The following SP100 variants were observed in gnomAD, a reference collection of about 807,000 sequenced individuals.
SP100 encodes the protein nuclear autoantigen Sp-100.
A neutral mutation model predicts 130.0 loss-of-function variants in SP100; 84 were observed. The ratio of observed to expected loss-of-function variants is 0.65; its 90% CI spans 0.54 to 0.77. The LOEUF (loss-of-function observed/expected upper bound fraction) is 0.77. Ranked by LOEUF, SP100 falls within the 30% of genes least tolerant of loss-of-function variation. SP100 has a pLI of 0.00. For missense variants in SP100, 978 were observed against 1,052.2 expected (o/e 0.93, Z 0.97); for synonymous variants, 331 against 351.7 (o/e 0.94, Z 0.66).
At chr2:230,436,948 A>ATGTGTATACACACACATATATATG (rs2063306161) in intron 2 of SP100, among the ~76,000 whole-genome samples, 7 of 139,528 alleles carry the variant, frequency 5.0e-5, no homozygotes, top group African/African-American at 1.9e-4. Context: ...ACACGCATAT[A>ATGTGTATACACACACATATATATG]TGTGTATACA....
intron 11 of SP100, among the ~76,000 whole-genome samples, chr2:230,464,937 C>T (rs2064861362): frequency 6.6e-6 from 1 of 152,014 alleles, no homozygotes; most frequent in South Asian, 2.1e-4. Context: ...ACCAAAAATA[C>T]AAAAATTAGC....
chr2:230,519,694 C>T lies in SP100; in HGVS notation c.2094+8528C>T, dbSNP rs938682374. Among the ~76,000 whole-genome samples the T allele has an allele frequency of 2.6e-5, 4 of 152,282 alleles. No individual in the cohort carries two copies. The South Asian group carries it at 8.3e-4, about 32-fold the overall frequency. On this transcript the variant is annotated intron_variant, in intron 24 of 28. Transcript: ENST00000340126. ...TGGGATGGCCTTTTGCTCATCTCTT[C>T]AATGAAGGCCATTTTTTTTCCCCAG...
At chr2:230,442,081 G>A (rs970881619) in intron 2 of SP100, among the ~76,000 whole-genome samples, 1 of 151,948 alleles carries the variant, frequency 6.6e-6, no homozygotes, top group Non-Finnish European at 1.5e-5. Flanking sequence ...TAACATTATT[G>A]TTTCCTGCCT....
At chr2:230,477,009 G>T (rs1472357959) in intron 17 of SP100, among the ~76,000 whole-genome samples, 2 of 151,952 alleles carry the variant, frequency 1.3e-5, no homozygotes, top group Admixed American at 1.3e-4. Flanking sequence ...AGGATTACAG[G>T]TACCTGCCAC....
intron 7 of SP100, among the ~76,000 whole-genome samples, chr2:230,449,945 CAG>C (rs1254447872): frequency 2.0e-5 from 3 of 152,162 alleles, no homozygotes; most frequent in African/African-American, 7.2e-5. Flanking sequence ...GGAAGAGTTG[CAG>C]AGTCTCACCA....
intron 17 of SP100, among the ~76,000 whole-genome samples, chr2:230,485,890 C>A (rs904479359): frequency 6.6e-6 from 1 of 152,104 alleles, no homozygotes; most frequent in African/African-American, 2.4e-5. Flanking sequence ...TTTTAAAAGT[C>A]AACACTCTGC....
intron 8 of SP100, among the ~76,000 whole-genome samples, chr2:230,460,637 G>T (rs2064549074): frequency 6.0e-4 from 4 of 6,624 alleles, no homozygotes; most frequent in South Asian, 4.6e-3. Context: ...TTTTTTTTGA[G>T]ACGGAGTCTC....
chr2:230,541,396 G>T, intron 27 of SP100, 24 bp downstream of exon 27: 9 of 1,580,704 alleles, frequency 5.7e-6, no homozygotes, highest in Non-Finnish European at 7.8e-6. Flanking sequence ...AAACAAAAAT[G>T]CTTATACTGG....
At chr2:230,437,093 A>G (rs2063317665) in intron 2 of SP100, among the ~76,000 whole-genome samples, 1 of 151,954 alleles carries the variant, frequency 6.6e-6, no homozygotes, top group South Asian at 2.1e-4. Flanking sequence ...AATGTTTACT[A>G]CAACATTTGC....
chr2:230,537,654 T>G (rs1253673897), intron 24 of SP100: 1 of 152,218 alleles, frequency 6.6e-6, no homozygotes, highest in Non-Finnish European at 1.5e-5. Context: ...CACTTTGTAA[T>G]GTGGGTTTTC....
At chr2:230,535,997 G>T (rs534643026) in intron 24 of SP100, among the ~76,000 whole-genome samples, 1 of 149,406 alleles carries the variant, frequency 6.7e-6, no homozygotes, top group Non-Finnish European at 1.5e-5. Flanking sequence ...CCAGGGCTTT[G>T]ACTGAAATGG....
At chr2:230,449,817 G>C (rs1394081091) in intron 7 of SP100, 107 bp downstream of exon 7, 5 of 1,192,738 alleles carry the variant, frequency 4.2e-6, no homozygotes, top group Non-Finnish European at 6.0e-6. Context: ...TTAACAAGCA[G>C]GGGAAAATCA....
chr2:230,441,748 T>C (rs73095039), intron 2 of SP100, among the ~76,000 whole-genome samples: 16,486 of 152,146 alleles, frequency 0.11, 942 homozygotes, highest in Middle Eastern at 0.22. Context: ...AGGATGTGGG[T>C]TGACGGGCAG....
chr2:230,480,311 CCAAATATA>C (rs2065771600), intron 17 of SP100, among the ~76,000 whole-genome samples: 1 of 152,002 alleles, frequency 6.6e-6, no homozygotes, highest in Admixed American at 6.6e-5. Flanking sequence ...AAAATCTAAT[CCAAATATA>C]TGATTGTACA....
At chr2:230,486,951 T>C (rs1286614241) in intron 17 of SP100, among the ~76,000 whole-genome samples, 1 of 152,264 alleles carries the variant, frequency 6.6e-6, no homozygotes, top group African/African-American at 2.4e-5. Context: ...TGTTTTCATG[T>C]TCATTGGCCA....
rs193056071 is a variant in SP100 at position 230,543,959 on chromosome 2, A to G, written c.*1013A>G. 7.2e-5 allele frequency: 11 copies of G among 152,316 alleles called. No homozygotes were observed. The highest frequency in any genetic ancestry group is 2.2e-4 in the African/African-American group (9 of 41,570). 9.4% of individuals were successfully genotyped at this position (152,316 alleles called of 1,614,324 possible). A position where few individuals can be genotyped will look rare whatever the true frequency, so the allele number is the denominator to read the frequency against. On this transcript the variant is annotated 3_prime_UTR_variant, in exon 29 of 29. Coordinates refer to ENST00000340126, the MANE Select transcript of SP100 (RefSeq NM_001080391.2). ...CAGCATGGTACTGGTACCAAAAAAAAAGCCACATAGACCAATGGAACAGAA... is the reference window on the plus strand; with the variant it reads ...CAGCATGGTACTGGTACCAAAAAAAGAGCCACATAGACCAATGGAACAGAA...
At chr2:230,515,497 A>T in intron 24 of SP100, 1 of 1,612,704 alleles carries the variant, frequency 6.2e-7, no homozygotes, top group Middle Eastern at 1.7e-4. Context: ...CAAAAAGGAT[A>T]TTGCTGCATA....
At chr2:230,515,705 C>G in intron 24 of SP100, 4 of 1,532,446 alleles carry the variant, frequency 2.6e-6, no homozygotes, top group Non-Finnish European at 3.5e-6. Flanking sequence ...ACAACTCACT[C>G]CTTTTAAAGA....
intron 24 of SP100, among the ~76,000 whole-genome samples, chr2:230,523,844 G>A (rs1456700681): frequency 1.3e-5 from 2 of 151,922 alleles, no homozygotes; most frequent in Non-Finnish European, 2.9e-5. Context: ...GGGAGGTAGA[G>A]GTTGCAGTAA....
Sources: allele counts gnomAD v4.1 joint callset (sites outside exome capture counted in the v4.1 genomes callset), GRCh38; gene constraint gnomAD v4.1.1; transcripts MANE v1.5; gene names NCBI Gene and HGNC (gene_info 2026-07-23, HGNC 2026-07-21).